CTBP2: variants seen among roughly 807,000 people sequenced by gnomAD.
CTBP2 encodes C-terminal binding protein 2, also known as C-terminal-binding protein 2.
Under a neutral mutation model 80.3 loss-of-function variants are expected in CTBP2, and 30 were observed. The ratio of observed to expected loss-of-function variants is 0.37; its 90% confidence interval spans 0.28 to 0.51. The LOEUF is 0.51. Ranked by LOEUF, CTBP2 falls within the 20% of genes least tolerant of loss-of-function variation. The probability of loss-of-function intolerance (pLI) is 0.93; values close to 1 mark genes in which losing one functional copy is unlikely to be tolerated. For synonymous variants in CTBP2, 594 were observed against 587.4 expected, an observed-to-expected ratio of 1.01 and a Z score of -0.16; for missense variants, 1,212 against 1,375.3, an observed-to-expected ratio of 0.88 and a Z score of 1.88.
chr10:125,121,563 C>T lies in CTBP2; in HGVS notation c.-205-10470G>A, dbSNP rs140541231. ...GTACTTTAAAAAATCCATTTCAAGGCTATGTATATCACAGAAAATAGCATA... is the reference window on the plus strand; with the variant it reads ...GTACTTTAAAAAATCCATTTCAAGGTTATGTATATCACAGAAAATAGCATA... On this transcript the variant is annotated intron_variant, in intron 1 of 10. Transcript: ENST00000337195. Among the ~76,000 whole-genome samples the T allele has an allele frequency of 3.6e-3, 544 of 152,272 alleles. 1 individual carries two copies. The highest frequency in any genetic ancestry group is 0.012 in the African/African-American group (518 of 41,542).
At chr10:125,075,124 A>G (rs1013969275) in intron 2 of CTBP2, among the ~76,000 whole-genome samples, 2 of 152,250 alleles carry the variant, frequency 1.3e-5, no homozygotes, top group Non-Finnish European at 2.9e-5. Flanking sequence ...ACTAGCCATC[A>G]TAAAAAGCTT....
intron 1 of CTBP2, among the ~76,000 whole-genome samples, chr10:125,012,826 C>T (rs960397289): frequency 2.0e-5 from 3 of 152,126 alleles, no homozygotes; most frequent in Admixed American, 6.5e-5. Context: ...GTGATCCGCC[C>T]GCCTCGGCCT....
intron 1 of CTBP2, among the ~76,000 whole-genome samples, chr10:125,120,104 G>T (rs1854065631): frequency 6.6e-6 from 1 of 152,206 alleles, no homozygotes. Context: ...GAATTGGTGG[G>T]CTGGAGAGAC....
intron 3 of CTBP2, among the ~76,000 whole-genome samples, chr10:125,002,234 G>A (rs1235317190): frequency 2.0e-5 from 3 of 152,234 alleles, no homozygotes; most frequent in African/African-American, 7.2e-5. Context: ...TGCCCACCTG[G>A]CCCTCTCCCG....
rs145445656 is a variant in CTBP2, at chr10:125,026,150, G to A, written c.1610C>T (p.Pro537Leu). ...TGTGCGCCGGGCCACCTTCTGGTAC[G>A]GTGAGTGAGGCGTGTGGAGGCTCTG... Residue 537 changes from proline (P) to leucine (L), a missense_variant, in exon 1 of 9, where the codon CCG (proline) becomes CTG (leucine). This residue lies in a region of CTBP2 where 848 missense variants were observed against 782.3 expected (regional missense o/e 1.08). Transcript: ENST00000309035. 4.4e-4 allele frequency: 707 copies of A among 1,607,248 alleles called. 1 individual carries two copies. The highest frequency in any genetic ancestry group is 4.2e-4 in the Non-Finnish European group (494 of 1,175,092).
intron 2 of CTBP2, among the ~76,000 whole-genome samples, chr10:125,065,541 C>T (rs1844492554): frequency 6.6e-6 from 1 of 152,100 alleles, no homozygotes; most frequent in African/African-American, 2.4e-5. Context: ...AGGGAAATAC[C>T]AAGTCCACAT....
At chr10:125,035,446 A>G (rs901569946) in intron 3 of CTBP2, among the ~76,000 whole-genome samples, 1 of 152,132 alleles carries the variant, frequency 6.6e-6, no homozygotes, top group East Asian at 1.9e-4. Flanking sequence ...TCCTCGGGGG[A>G]CCATTTTCCA....
chr10:125,026,901 T>G lies in CTBP2; in HGVS notation c.859A>C (p.Arg287=). 1 of 1,613,982 alleles carries G rather than the reference T, an allele frequency of 6.2e-7. No individual in the cohort carries two copies. Among genetic ancestry groups the G allele is most frequent in the Non-Finnish European group, 8.5e-7 (1 of 1,180,016 alleles). Residue 287 remains arginine (R), a synonymous_variant, in exon 1 of 9, where the codon AGG becomes CGG. Transcript: ENST00000309035. The stretch of plus-strand genomic sequence containing the variant: ...GCCAGGAACTCAGGGAGCACGGTCC[T>G]CTTGCCACCAGGACCCTGGAAGGTG...
intron 2 of CTBP2, among the ~76,000 whole-genome samples, chr10:125,047,240 G>A (rs1461175408): frequency 1.3e-5 from 2 of 152,288 alleles, no homozygotes; most frequent in South Asian, 4.1e-4. Flanking sequence ...TAGACTTGAG[G>A]AATCAGGAAT....
intron 2 of CTBP2, among the ~76,000 whole-genome samples, chr10:125,052,589 G>A (rs1276479117): frequency 6.6e-6 from 1 of 152,228 alleles, no homozygotes; most frequent in Non-Finnish European, 1.5e-5. Context: ...GGAGATCAAA[G>A]AAAGGTGATC....
At chr10:125,145,304 C>T (rs893639342) in intron 1 of CTBP2, among the ~76,000 whole-genome samples, 1 of 152,050 alleles carries the variant, frequency 6.6e-6, no homozygotes, top group Non-Finnish European at 1.5e-5. Flanking sequence ...TCCATCGGGA[C>T]GAAGGGTGGG....
chr10:125,041,510 C>A (rs3107972), intron 2 of CTBP2, among the ~76,000 whole-genome samples: 13 of 56,584 alleles, frequency 2.3e-4, no homozygotes, highest in East Asian at 8.5e-4. Context: ...CCCCACCCCC[C>A]CCCCCCCCAC....
At chr10:125,023,477 G>A (rs962782391) in intron 1 of CTBP2, among the ~76,000 whole-genome samples, 5 of 152,220 alleles carry the variant, frequency 3.3e-5, no homozygotes, top group Non-Finnish European at 7.3e-5. Context: ...GGAGATTGCT[G>A]GCTCGCAGCC....
chr10:125,073,931 G>C (rs1421792090), intron 2 of CTBP2, among the ~76,000 whole-genome samples: 2 of 152,206 alleles, frequency 1.3e-5, no homozygotes, highest in Non-Finnish European at 2.9e-5. Flanking sequence ...CACGGCCCAG[G>C]CGTGGAAACC....
chr10:125,088,825 T>C (rs1199244541), intron 2 of CTBP2, among the ~76,000 whole-genome samples: 1 of 152,212 alleles, frequency 6.6e-6, no homozygotes, highest in Non-Finnish European at 1.5e-5. Flanking sequence ...CTTCAAGAAC[T>C]GCACCAAATT....
At chr10:125,111,725 A>G (rs12775385) in intron 1 of CTBP2, among the ~76,000 whole-genome samples, 58 of 152,228 alleles carry the variant, frequency 3.8e-4, no homozygotes, top group Non-Finnish European at 7.3e-4. Flanking sequence ...TTTACTCTAC[A>G]TGGAACAGAG....
intron 2 of CTBP2, among the ~76,000 whole-genome samples, chr10:125,062,222 A>G (rs907259589): frequency 3.3e-5 from 5 of 151,438 alleles, no homozygotes; most frequent in Admixed American, 6.6e-5. Flanking sequence ...ACTACTAGAA[A>G]GAGGTGCCCC....
upstream of CTBP2, among the ~76,000 whole-genome samples, chr10:125,162,152 A>G (rs1861935577): frequency 6.6e-6 from 1 of 152,232 alleles, no homozygotes; most frequent in Non-Finnish European, 1.5e-5. Context: ...GATTTGTTTA[A>G]AAACCCTATT....
chr10:125,082,518 A>G (rs1008967819), intron 2 of CTBP2, among the ~76,000 whole-genome samples: 6 of 151,272 alleles, frequency 4.0e-5, no homozygotes, highest in Non-Finnish European at 2.9e-5. Context: ...TTACTCCCCC[A>G]TGAGGAGAGT....
Sources: gnomAD v4.1 joint callset for allele counts (sites outside exome capture counted in the v4.1 genomes callset) on GRCh38, gnomAD v4.1.1 for gene constraint, gnomAD v4.1.1 regional missense constraint, MANE v1.5 for transcripts, NCBI Gene and HGNC (gene_info 2026-07-23, HGNC 2026-07-21) for gene names.